Variants in ITGA4 observed in about 807,000 individuals in gnomAD.
ITGA4 encodes integrin alpha-4.
A neutral mutation model predicts 133.6 loss-of-function variants in ITGA4; 63 were observed. The ratio of observed to expected loss-of-function variants is 0.47; its 90% confidence interval spans 0.38 to 0.58. ITGA4 has a LOEUF of 0.58. Ranked by LOEUF, ITGA4 falls within the 20% of genes least tolerant of loss-of-function variation. ITGA4 has a pLI of 0.00. For missense variants in ITGA4, 1,076 were observed against 1,252.7 expected (o/e 0.86, Z 2.13); for synonymous variants, 483 against 438.0 (o/e 1.10, Z -1.28).
intron 17 of ITGA4, among the ~76,000 whole-genome samples, chr2:181,520,701 C>A (rs936075726): frequency 6.6e-6 from 1 of 152,080 alleles, no homozygotes; most frequent in African/African-American, 2.4e-5. Flanking sequence ...AGTGGTTTCC[C>A]AGAGCCCTCT....
rs1279708561 is a variant in ITGA4, at chr2:181,485,961, T to C, written c.1122T>C (p.Asn374=). 2 of 1,600,270 alleles carry C rather than the reference T, an allele frequency of 1.2e-6. No individual in the cohort carries two copies. Among genetic ancestry groups the C allele is most frequent in the Admixed American group, 1.8e-5 (1 of 55,468 alleles). ...YAARFGESIV[N]LGDIDNDGFE... Reference sequence around the variant, plus strand: ...CAAGATTTGGGGAATCTATAGTTAATCTTGGCGACATTGACAATGATGGCT... The same window carrying C: ...CAAGATTTGGGGAATCTATAGTTAACCTTGGCGACATTGACAATGATGGCT... Residue 374 remains asparagine (N), a synonymous_variant, in exon 10 of 28, where the codon AAT becomes AAC. Transcript: ENST00000397033.
intron 11 of ITGA4, among the ~76,000 whole-genome samples, chr2:181,494,043 G>A (rs771465499): frequency 2.0e-5 from 3 of 152,130 alleles, no homozygotes; most frequent in Non-Finnish European, 2.9e-5. Context: ...ATGGTTCTCT[G>A]TAATTGACAT....
Position 181,524,268 on chromosome 2 carries a change from T to G in ITGA4, c.2249+18T>G, listed in dbSNP as rs1344499975. 7.2e-7 allele frequency: 1 copy of G among 1,388,812 alleles called. No individual in the cohort carries two copies. The highest frequency in any genetic ancestry group is 1.5e-5 in the African/African-American group (1 of 67,832). 86.0% of individuals were successfully genotyped at this position (1,388,812 alleles called of 1,614,324 possible). ...GCTACCTGGTATAATTTATTGTTAA[T>G]AAAATGAACTAGAAATATACCCCCA... is the stretch of plus-strand genomic sequence containing the variant. On this transcript the variant is annotated intron_variant, in intron 20 of 27. Coordinates refer to ENST00000397033, the MANE Select transcript of ITGA4 (RefSeq NM_000885.6).
chr2:181,501,270 C>G (rs1184289088), intron 15 of ITGA4, among the ~76,000 whole-genome samples: 2 of 152,024 alleles, frequency 1.3e-5, no homozygotes, highest in Non-Finnish European at 2.9e-5. Context: ...GAAGAGTATT[C>G]CAGCGAGAAA....
At chr2:181,469,893 C>T (rs1392533586) in intron 2 of ITGA4, among the ~76,000 whole-genome samples, 2 of 150,180 alleles carry the variant, frequency 1.3e-5, no homozygotes, top group Non-Finnish European at 3.0e-5. Flanking sequence ...GGAAGGGGAA[C>T]ATCACACACC....
At chr2:181,469,338 G>A (rs1685492456) in intron 2 of ITGA4, among the ~76,000 whole-genome samples, 1 of 152,120 alleles carries the variant, frequency 6.6e-6, no homozygotes. Context: ...TTGTCCATGT[G>A]GTCCAGGATG....
chr2:181,498,906 C>T, intron 15 of ITGA4, 129 bp downstream of exon 15: 1 of 1,338,126 alleles, frequency 7.5e-7, no homozygotes, highest in South Asian at 2.2e-5. Flanking sequence ...GAACTATGAC[C>T]TGTTGCTCCA....
At chr2:181,520,968 C>T (rs1018414743) in intron 17 of ITGA4, among the ~76,000 whole-genome samples, 2 of 152,130 alleles carry the variant, frequency 1.3e-5, no homozygotes, top group Non-Finnish European at 2.9e-5. Context: ...CAACTAAATT[C>T]CTACTGTATC....
chr2:181,532,109 A>C (rs1686956887), intron 25 of ITGA4, among the ~76,000 whole-genome samples: 1 of 152,038 alleles, frequency 6.6e-6, no homozygotes, highest in Non-Finnish European at 1.5e-5. Flanking sequence ...GTCTGGTGTT[A>C]TTTCTGAGGT....
At chr2:181,505,720 G>C (rs34454465) in intron 15 of ITGA4, among the ~76,000 whole-genome samples, 1 of 152,050 alleles carries the variant, frequency 6.6e-6, no homozygotes, top group Non-Finnish European at 1.5e-5. Flanking sequence ...TAAGAAAAGC[G>C]TAATTAATAG....
At chr2:181,475,990 CA>C (rs397870246) in intron 4 of ITGA4, 150 of 1,216,472 alleles carry the variant, frequency 1.2e-4, no homozygotes, top group South Asian at 3.7e-4. Flanking sequence ...CACCCTCACT[CA>C]AAAAAAATCC....
Position 181,495,375 on chromosome 2 carries a change from A to G in ITGA4, c.1344A>G (p.Val448=). 6.2e-7 allele frequency: 1 copy of G among 1,609,352 alleles called. No homozygotes were observed. The change falls in exon 13 of 28, where the codon GTA becomes GTG. Residue 448 remains valine, a synonymous_variant. Transcript: ENST00000397033. The surrounding 1 kb of genome is among the most constrained non-coding windows in gnomAD (Gnocchi z 4.3). ...IDADNNGYVD[V]AVGAFRSDSA... ...GTGTTGTTTTTTATCCTCCAGATGT[A>G]GCAGTTGGTGCTTTTCGGTCTGATT... is the stretch of plus-strand genomic sequence containing the variant.
intron 7 of ITGA4, among the ~76,000 whole-genome samples, 171 bp downstream of exon 7, chr2:181,481,854 T>A (rs965116764): frequency 1.3e-5 from 2 of 152,148 alleles, no homozygotes; most frequent in African/African-American, 4.8e-5. Context: ...TAGAAGAAAT[T>A]TAGCAAAAAA....
chr2:181,458,561 T>A, intron 2 of ITGA4: 1 of 512,936 alleles, frequency 1.9e-6, no homozygotes. Context: ...GCTAGAGAAA[T>A]TTCTTATGAT....
chr2:181,538,092 C>CA lies in ITGA4; in HGVS notation c.*2570dup. ...AAATTGTCTTCCATGAAACTGGTCC[C>CA]AAAAAGGGTGGGGACCACAGGTTTA... On this transcript the variant is annotated 3_prime_UTR_variant, in exon 28 of 28. Transcript: ENST00000397033. 1.1e-6 allele frequency: 1 copy of CA among 869,650 alleles called. No homozygotes were observed. Among genetic ancestry groups the CA allele is most frequent in the Non-Finnish European group, 1.9e-6 (1 of 517,746 alleles). The allele number at this position is 869,650 out of a possible 1,614,324, so 53.9% of individuals were successfully genotyped here. A position where few individuals can be genotyped will look rare whatever the true frequency, so the allele number is the denominator to read the frequency against.
intron 2 of ITGA4, among the ~76,000 whole-genome samples, chr2:181,468,961 A>G (rs1685485136): frequency 6.6e-6 from 1 of 152,200 alleles, no homozygotes; most frequent in South Asian, 2.1e-4. Context: ...TAAACCATGT[A>G]AAGTACTTTT....
chr2:181,489,566 T>C (rs1388224442), intron 10 of ITGA4, among the ~76,000 whole-genome samples: 1 of 152,152 alleles, frequency 6.6e-6, no homozygotes, highest in Non-Finnish European at 1.5e-5. Flanking sequence ...AGCAGAACCA[T>C]AACAAGTTCT....
intron 18 of ITGA4, 129 bp downstream of exon 18, chr2:181,522,470 A>G (rs916045818): frequency 3.2e-6 from 2 of 617,968 alleles, no homozygotes; most frequent in Non-Finnish European, 5.3e-6. Flanking sequence ...AGTTATTTTC[A>G]GACTTACTCT....
intron 2 of ITGA4, among the ~76,000 whole-genome samples, chr2:181,465,580 T>C (rs1224744208): frequency 1.3e-5 from 2 of 152,186 alleles, no homozygotes; most frequent in Admixed American, 6.5e-5. Context: ...TTAGTGATTG[T>C]TTTTCAAATG....
Sources: gnomAD v4.1 joint callset for allele counts (sites outside exome capture counted in the v4.1 genomes callset) on GRCh38, gnomAD v4.1.1 for gene constraint, Gnocchi (gnomAD v3.1) non-coding constraint, MANE v1.5 for transcripts, NCBI Gene and HGNC (gene_info 2026-07-23, HGNC 2026-07-21) for gene names.